The following RBFOX1 variants were observed in gnomAD, a reference collection of about 807,000 sequenced individuals.
RBFOX1 encodes RNA binding protein fox-1 homolog 1.
Under a neutral mutation model 57.7 loss-of-function variants are expected in RBFOX1, and 8 were observed. That is an observed-to-expected ratio of 0.14 (90% CI 0.08 to 0.25). RBFOX1 has a LOEUF of 0.25. Among genes scored for constraint, RBFOX1 ranks in the 10% least tolerant of loss-of-function variants. The pLI is 1.00. For synonymous variants in RBFOX1, 326 were observed against 222.4 expected (o/e 1.47, Z -4.15); for missense variants, 611 against 548.5 (o/e 1.11, Z -1.14).
At chr16:7,410,583 A>C (rs1597734782) in intron 4 of RBFOX1, among the ~76,000 whole-genome samples, 1 of 152,348 alleles carries the variant, frequency 6.6e-6, no homozygotes, top group South Asian at 2.1e-4. Flanking sequence ...AGGCTGAGGC[A>C]GCAGAATCAC....
intron 1 of RBFOX1, among the ~76,000 whole-genome samples, chr16:6,053,114 G>A (rs1253070001): frequency 6.6e-6 from 1 of 152,038 alleles, no homozygotes; most frequent in Non-Finnish European, 1.5e-5. Flanking sequence ...TTTAACACTT[G>A]GGGCTGAGCG....
chr16:7,329,089 C>G (rs993451263), intron 4 of RBFOX1, among the ~76,000 whole-genome samples: 4 of 152,174 alleles, frequency 2.6e-5, no homozygotes, highest in Non-Finnish European at 5.9e-5. Context: ...CTTTTTCACG[C>G]TACAACAGCA....
At chr16:7,701,294 AGGTGGTGAGCGGGGTG>A (rs1450412505) in intron 14 of RBFOX1, among the ~76,000 whole-genome samples, 1 of 152,020 alleles carries the variant, frequency 6.6e-6, no homozygotes, top group Non-Finnish European at 1.5e-5. Context: ...GACACACAGC[AGGTGGTGAGCGGGGTG>A]GGGGGTGAGC....
intron 1 of RBFOX1, among the ~76,000 whole-genome samples, chr16:5,252,515 T>G (rs7190239): frequency 0.96 from 145,745 of 152,040 alleles, 70,162 homozygotes; most frequent in East Asian, 1. Flanking sequence ...CAGGTGTCTG[T>G]AGGTGCCAGG....
At position 7,708,335 on chromosome 16, in the gene RBFOX1, C is replaced by T. The variant is rs570402589; in HGVS notation, c.996-721C>T. The stretch of plus-strand genomic sequence containing the variant: ...TCCATTTTTATCCTAAAGCCTATAC[C>T]AGAAGCCATGGCAGGTAGTAGGATG... On this transcript the variant is annotated intron_variant, in intron 14 of 15. Transcript: ENST00000550418. 5.1e-4 allele frequency among the ~76,000 whole-genome samples: 77 copies of T among 152,182 alleles called. 1 individual carries two copies. The highest frequency in any genetic ancestry group is 7.5e-4 in the Non-Finnish European group (51 of 68,018).
downstream of RBFOX1, among the ~76,000 whole-genome samples, chr16:5,601,998 T>G (rs889786536): frequency 1.3e-5 from 2 of 152,196 alleles, no homozygotes; most frequent in Non-Finnish European, 2.9e-5. Context: ...CTCTGGAGGC[T>G]GTAGAGTCTT....
At chr16:5,959,223 C>G (rs2059703411) in intron 4 of RBFOX1, among the ~76,000 whole-genome samples, 1 of 152,294 alleles carries the variant, frequency 6.6e-6, no homozygotes, top group African/African-American at 2.4e-5. Flanking sequence ...TTGAGTTTAA[C>G]CATTCACAGA....
At position 5,762,404 on chromosome 16, in the gene RBFOX1, G is replaced by C. The variant is rs191877513; in HGVS notation, c.319-104899G>C. 1.3e-4 allele frequency among the ~76,000 whole-genome samples: 20 copies of C among 150,830 alleles called. No homozygotes were observed. The East Asian group carries it at 1.9e-3, about 15-fold the overall frequency. ...GAAAACTCAAGTCAGTGTTGGCCAA[G>C]AGGGTTGGGAGTCAGACAGTCTCAT... On this transcript the variant is annotated intron_variant, in intron 3 of 19. Transcript: ENST00000641259.
chr16:5,549,493 G>A (rs2045369972), intron 2 of RBFOX1, among the ~76,000 whole-genome samples: 1 of 152,194 alleles, frequency 6.6e-6, no homozygotes, highest in Non-Finnish European at 1.5e-5. Context: ...GACATAGCGA[G>A]TAAGATATTT....
At chr16:5,645,278 A>AC (rs958293389) in intron 3 of RBFOX1, among the ~76,000 whole-genome samples, 6 of 148,118 alleles carry the variant, frequency 4.1e-5, no homozygotes, top group African/African-American at 1.6e-4. Context: ...ACAAAAACAA[A>AC]AAAAAAAACA....
intron 3 of RBFOX1, among the ~76,000 whole-genome samples, chr16:6,923,276 A>T (rs995065789): frequency 6.6e-6 from 1 of 152,070 alleles, no homozygotes; most frequent in East Asian, 1.9e-4. Flanking sequence ...GCTCATGCCT[A>T]TAATCCCAGA....
intron 4 of RBFOX1, among the ~76,000 whole-genome samples, chr16:7,188,847 TG>T (rs2084592173): frequency 6.6e-6 from 1 of 152,166 alleles, no homozygotes; most frequent in Non-Finnish European, 1.5e-5. Context: ...ATGCAAATTT[TG>T]GAGTTGGAAA....
chr16:6,046,572 T>C (rs1036934147), intron 1 of RBFOX1, among the ~76,000 whole-genome samples: 4 of 152,182 alleles, frequency 2.6e-5, no homozygotes, highest in African/African-American at 9.7e-5. Context: ...CCGTATTAAA[T>C]GAGTTCTCAA....
At position 5,645,278 on chromosome 16, in the gene RBFOX1, A is replaced by G. The variant is rs887769952; in HGVS notation, c.318+46317A>G. Among the ~76,000 whole-genome samples, 26 of 148,226 alleles carry G rather than the reference A, an allele frequency of 1.8e-4. 1 individual carries two copies. The East Asian group carries it at 4.7e-3, about 27-fold the overall frequency. ...AAAACAAAAACAGAAACAAAAACAAAAAAAAAAACATGCTGAGTGAAAGAA... is the reference window on the plus strand; with the variant it reads ...AAAACAAAAACAGAAACAAAAACAAGAAAAAAAACATGCTGAGTGAAAGAA... On this transcript the variant is annotated intron_variant, in intron 3 of 19. Coordinates refer to the RBFOX1 transcript ENST00000641259.
intron 4 of RBFOX1, among the ~76,000 whole-genome samples, chr16:5,931,850 C>G (rs941122112): frequency 1.5e-4 from 23 of 152,198 alleles, no homozygotes; most frequent in Admixed American, 1.5e-3. Flanking sequence ...CTCTGTCTCC[C>G]AGGCTGGAGT....
chr16:5,846,816 A>C (rs553416333), intron 3 of RBFOX1, among the ~76,000 whole-genome samples: 17 of 152,314 alleles, frequency 1.1e-4, no homozygotes, highest in Admixed American at 1.0e-3. Context: ...AAGCCCCTCA[A>C]ATGCTTGCTT....
intron 4 of RBFOX1, among the ~76,000 whole-genome samples, chr16:7,284,114 C>T (rs538389570): frequency 1.3e-5 from 2 of 152,344 alleles, no homozygotes; most frequent in South Asian, 4.1e-4. Flanking sequence ...TCAACAGTTC[C>T]TTCTTCCCTT....
At chr16:7,317,261 G>A (rs540289167) in intron 4 of RBFOX1, among the ~76,000 whole-genome samples, 25 of 152,262 alleles carry the variant, frequency 1.6e-4, no homozygotes, top group South Asian at 6.2e-4. Flanking sequence ...AGCCAGAAGA[G>A]AAGAAATGCA....
intron 6 of RBFOX1, among the ~76,000 whole-genome samples, chr16:7,581,159 C>A (rs531021135): frequency 9.5e-4 from 144 of 152,258 alleles, no homozygotes; most frequent in African/African-American, 3.3e-3. Context: ...ATTGAAGATA[C>A]CCAGCTTTGA....
Sources: allele counts gnomAD v4.1 joint callset (sites outside exome capture counted in the v4.1 genomes callset), GRCh38; gene constraint gnomAD v4.1.1; transcripts MANE v1.5; gene names NCBI Gene and HGNC (gene_info 2026-07-23, HGNC 2026-07-21).